The following ACP3 variants were observed in gnomAD, a reference collection of about 807,000 sequenced individuals.
The protein encoded by ACP3 is acid phosphatase 3.
A neutral mutation model predicts 45.6 loss-of-function variants in ACP3; 38 were observed. The ratio of observed to expected loss-of-function variants is 0.83; its 90% CI spans 0.64 to 1.09. ACP3 has a LOEUF of 1.09. Ranked by LOEUF, ACP3 falls within the 50% of genes least tolerant of loss-of-function variation. ACP3 has a pLI of 0.00. For synonymous variants in ACP3, 162 were observed against 164.7 expected (o/e 0.98, Z 0.13); for missense variants, 466 against 463.2 (o/e 1.01, Z -0.05).
intron 5 of ACP3, among the ~76,000 whole-genome samples, chr3:132,341,039 T>C (rs1006780492): frequency 1.3e-5 from 2 of 152,192 alleles, no homozygotes; most frequent in African/African-American, 2.4e-5. Flanking sequence ...AAGATTATTT[T>C]AGGGTTTTCT....
chr3:132,350,084 C>G, intron 8 of ACP3, 82 bp downstream of exon 8: 1 of 908,946 alleles, frequency 1.1e-6, no homozygotes. Context: ...TTTTTTTAAT[C>G]TTCATTTCCC....
chr3:132,346,375 G>C (rs1195308400), intron 7 of ACP3, among the ~76,000 whole-genome samples: 1 of 152,182 alleles, frequency 6.6e-6, no homozygotes, highest in African/African-American at 2.4e-5. Flanking sequence ...TAGGACAGTG[G>C]CCATTAACGA....
chr3:132,326,465 A>C (rs1320084454), intron 1 of ACP3, among the ~76,000 whole-genome samples: 1 of 152,250 alleles, frequency 6.6e-6, no homozygotes, highest in East Asian at 1.9e-4. Context: ...TCACAAAAAA[A>C]TATGCAGCTG....
chr3:132,339,189 G>T (rs1461551225), intron 5 of ACP3, among the ~76,000 whole-genome samples: 2 of 151,986 alleles, frequency 1.3e-5, no homozygotes, highest in African/African-American at 4.8e-5. Flanking sequence ...GTTTTTAGAA[G>T]CTTTTTTCTA....
chr3:132,335,326 G>A (rs1937471125), intron 4 of ACP3, among the ~76,000 whole-genome samples: 1 of 152,112 alleles, frequency 6.6e-6, no homozygotes, highest in African/African-American at 2.4e-5. Context: ...AACTATTGAA[G>A]CAATTCTGGA....
intron 2 of ACP3, among the ~76,000 whole-genome samples, chr3:132,329,525 C>T (rs1230762226): frequency 6.6e-6 from 1 of 152,150 alleles, no homozygotes; most frequent in Non-Finnish European, 1.5e-5. Flanking sequence ...CCATAGCCTA[C>T]CCATCTTCTG....
chr3:132,365,191 C>T (rs36015438), intron 10 of ACP3, among the ~76,000 whole-genome samples: 18,968 of 152,190 alleles, frequency 0.12, 1,407 homozygotes, highest in Non-Finnish European at 0.18. Context: ...ACAAAAAAGA[C>T]AAAAGTTCCT....
At chr3:132,335,988 C>T (rs756960785) in intron 4 of ACP3, among the ~76,000 whole-genome samples, 1 of 152,152 alleles carries the variant, frequency 6.6e-6, no homozygotes, top group Non-Finnish European at 1.5e-5. Flanking sequence ...AGGCCGGGCG[C>T]GGTGGCTCAC....
intron 9 of ACP3, among the ~76,000 whole-genome samples, chr3:132,354,202 A>C (rs531668935): frequency 6.6e-6 from 1 of 152,294 alleles, no homozygotes; most frequent in African/African-American, 2.4e-5. Flanking sequence ...AAATTCCAGG[A>C]TCAGCTTCAG....
chr3:132,357,585 T>A lies in ACP3; in HGVS notation c.*707T>A. 1 of 984,334 alleles carries A rather than the reference T, an allele frequency of 1.0e-6. No homozygotes were observed. Among genetic ancestry groups the A allele is most frequent in the Non-Finnish European group, 1.2e-6 (1 of 828,880 alleles). 61.0% of individuals were successfully genotyped at this position (984,334 alleles called of 1,614,324 possible). A position where few individuals can be genotyped will look rare whatever the true frequency, so the allele number is the denominator to read the frequency against. On this transcript the variant is annotated 3_prime_UTR_variant, in exon 10 of 10. Coordinates refer to ENST00000336375, the MANE Select transcript of ACP3 (RefSeq NM_001099.5). The stretch of plus-strand genomic sequence containing the variant: ...AATCAAACTTTACAGAAAGATTTGA[T>A]GTATGTAATACATATAGCAGCTCTT...
intron 6 of ACP3, among the ~76,000 whole-genome samples, chr3:132,344,594 T>C (rs368214907): frequency 8.9e-4 from 136 of 152,350 alleles, no homozygotes; most frequent in African/African-American, 3.1e-3. Context: ...CATTTAACTC[T>C]GTCAGGTTCA....
At chr3:132,351,276 G>C (rs887218472) in intron 8 of ACP3, among the ~76,000 whole-genome samples, 3 of 152,222 alleles carry the variant, frequency 2.0e-5, no homozygotes, top group Non-Finnish European at 1.5e-5. Context: ...CTTAGAAAAG[G>C]CTTTCATCTT....
At chr3:132,321,149 G>A (rs570219875) in intron 1 of ACP3, among the ~76,000 whole-genome samples, 49 of 152,060 alleles carry the variant, frequency 3.2e-4, no homozygotes, top group Non-Finnish European at 2.9e-4. Context: ...TGGACAACAG[G>A]GAAAAACCCT....
Position 132,328,979 on chromosome 3 carries a change from T to C in ACP3, c.216+617T>C, listed in dbSNP as rs535590074. Among the ~76,000 whole-genome samples the C allele has an allele frequency of 4.6e-5, 7 of 152,344 alleles. No homozygotes were observed. The East Asian group carries it at 1.4e-3, about 29-fold the overall frequency. On this transcript the variant is annotated intron_variant, in intron 2 of 9. Coordinates refer to ENST00000336375, the MANE Select transcript of ACP3 (RefSeq NM_001099.5). ...GCTGATATCAGAATATGATTTCTTG[T>C]CAGCTGGATATATTGGGATTTGACC... is the stretch of plus-strand genomic sequence containing the variant.
In ACP3 at chr3:132,357,831, C is replaced by A; in HGVS notation, c.*953C>A. 2 of 692,402 alleles carry A rather than the reference C, an allele frequency of 2.9e-6. No individual in the cohort carries two copies. The highest frequency in any genetic ancestry group is 3.6e-6 in the Non-Finnish European group (2 of 562,200). 42.9% of individuals were successfully genotyped at this position (692,402 alleles called of 1,614,324 possible). A position where few individuals can be genotyped will look rare whatever the true frequency, so the allele number is the denominator to read the frequency against. ...GGCAGATCACTTGAGCTCAGGAGGTCAAGATCAGCCTGGGCAACATGGTGA... is the reference window on the plus strand; with the variant it reads ...GGCAGATCACTTGAGCTCAGGAGGTAAAGATCAGCCTGGGCAACATGGTGA... On this transcript the variant is annotated 3_prime_UTR_variant, in exon 10 of 10. Coordinates refer to ENST00000336375, the MANE Select transcript of ACP3 (RefSeq NM_001099.5).
At chr3:132,345,837 G>A (rs919682576) in intron 7 of ACP3, among the ~76,000 whole-genome samples, 1 of 152,208 alleles carries the variant, frequency 6.6e-6, no homozygotes, top group Non-Finnish European at 1.5e-5. Context: ...AAGGACAGAT[G>A]TTGGGGCTTA....
At chr3:132,350,043 T>C (rs201062409) in intron 8 of ACP3, 41 bp downstream of exon 8, 2 of 1,373,824 alleles carry the variant, frequency 1.5e-6, no homozygotes, top group African/African-American at 1.4e-5. Context: ...TTTGTTCAAG[T>C]GTGTGATCTC....
At chr3:132,321,432 C>T (rs575375222) in intron 1 of ACP3, among the ~76,000 whole-genome samples, 16 of 152,286 alleles carry the variant, frequency 1.1e-4, no homozygotes, top group African/African-American at 3.9e-4. Flanking sequence ...TGCTGTATGG[C>T]TCCTAATCAC....
intron 5 of ACP3, among the ~76,000 whole-genome samples, chr3:132,339,537 G>C (rs1937527802): frequency 6.6e-6 from 1 of 151,392 alleles, no homozygotes; most frequent in African/African-American, 2.5e-5. Flanking sequence ...CTTTAAGTTG[G>C]GGTTCCCACA....
Sources: allele counts gnomAD v4.1 joint callset (sites outside exome capture counted in the v4.1 genomes callset), GRCh38; gene constraint gnomAD v4.1.1; transcripts MANE v1.5; gene names NCBI Gene and HGNC (gene_info 2026-07-23, HGNC 2026-07-21).